The following AGO3 variants were observed in gnomAD, a reference collection of about 807,000 sequenced individuals.
The protein encoded by AGO3 is argonaute RISC catalytic component 3.
In AGO3, 16 loss-of-function variants were observed where a neutral mutation model predicts 105.5. The observed-to-expected ratio is 0.15, with a 90% CI of 0.10 to 0.23. The LOEUF (loss-of-function observed/expected upper bound fraction) is 0.23, where lower values mean the gene tolerates loss of function less well. Among genes scored for constraint, AGO3 ranks in the 10% least tolerant of loss-of-function variants. The pLI is 1.00. For missense variants in AGO3, 534 were observed against 1,088.0 expected (o/e 0.49, Z 7.16); for synonymous variants, 340 against 367.3 (o/e 0.93, Z 0.85).
chr1:35,939,976 A>G (rs1646223504), intron 1 of AGO3, among the ~76,000 whole-genome samples: 1 of 152,216 alleles, frequency 6.6e-6, no homozygotes, highest in Admixed American at 6.5e-5. Context: ...CCATTATCAC[A>G]GCAAAATAAT....
chr1:36,013,875 T>G lies in AGO3; in HGVS notation c.1273-40T>G, dbSNP rs1281486307. ...TTTACTTTCTGTTTATTGAAAATTT[T>G]TGTTCTTTTTCACCATGTTATTTTT... On this transcript the variant is annotated intron_variant, in intron 10 of 18. Transcript: ENST00000373191. The G allele has an allele frequency of 3.1e-6, 5 of 1,600,054 alleles. No individual in the cohort carries two copies. In the African/African-American group the frequency reaches 5.4e-5, roughly 17 times the overall value.
intron 9 of AGO3, among the ~76,000 whole-genome samples, chr1:36,012,343 A>G (rs556730264): frequency 2.2e-4 from 34 of 151,880 alleles, no homozygotes; most frequent in South Asian, 6.2e-4. Flanking sequence ...AAAAGAAAAG[A>G]AAAGGAAAAA....
chr1:36,053,195 T>C (rs1557716821), intron 17 of AGO3, among the ~76,000 whole-genome samples: 1 of 152,050 alleles, frequency 6.6e-6, no homozygotes, highest in Non-Finnish European at 1.5e-5. Context: ...ATCTTCAAGA[T>C]AGAAATATTT....
At chr1:36,049,565 C>T (rs1027584723) in intron 17 of AGO3, among the ~76,000 whole-genome samples, 2 of 151,586 alleles carry the variant, frequency 1.3e-5, no homozygotes, top group South Asian at 4.2e-4. Flanking sequence ...AGCTCACCAT[C>T]TGGGTGTAAT....
Position 36,059,501 on chromosome 1 carries a change from CTT to C in AGO3, c.*3761_*3762del, listed in dbSNP as rs1477932005. On this transcript the variant is annotated 3_prime_UTR_variant, in exon 19 of 19. Coordinates refer to ENST00000373191, the MANE Select transcript of AGO3 (RefSeq NM_024852.4). ...ATCATGAATGCTAGATTTTGGTCTT[CTT>C]TTTTCTGTGATGTATCTTACGAGAC... 2.0e-5 allele frequency: 3 copies of C among 150,304 alleles called. No individual in the cohort carries two copies. The highest frequency in any genetic ancestry group is 4.4e-5 in the Non-Finnish European group (3 of 67,674). The allele number at this position is 150,304 out of a possible 1,614,324, so 9.3% of individuals were successfully genotyped here. A position where few individuals can be genotyped will look rare whatever the true frequency, so the allele number is the denominator to read the frequency against.
chr1:35,980,519 A>T (rs1042847378), intron 5 of AGO3, among the ~76,000 whole-genome samples: 26 of 152,190 alleles, frequency 1.7e-4, no homozygotes, highest in Non-Finnish European at 3.2e-4. Flanking sequence ...TGTTGGTTTC[A>T]GTTTGTCCTC....
At chr1:35,930,731 GC>G (rs1646022676), upstream of AGO3, 1 of 154,586 alleles carries the variant, frequency 6.5e-6, no homozygotes, top group African/African-American at 2.4e-5. Context: ...AAGGAGGGTG[GC>G]CCTACCCCAG....
At chr1:36,015,012 C>T (rs1006230590) in intron 11 of AGO3, among the ~76,000 whole-genome samples, 1 of 152,002 alleles carries the variant, frequency 6.6e-6, no homozygotes, top group Non-Finnish European at 1.5e-5. Flanking sequence ...CAGTGGACAC[C>T]AGCTGGGTGT....
chr1:35,949,406 C>G (rs1646428840), intron 2 of AGO3, among the ~76,000 whole-genome samples: 1 of 152,182 alleles, frequency 6.6e-6, no homozygotes, highest in Non-Finnish European at 1.5e-5. Context: ...TACAGTATTA[C>G]TGCATGACTA....
intron 5 of AGO3, among the ~76,000 whole-genome samples, chr1:35,976,745 A>G (rs968173813): frequency 1.3e-5 from 2 of 152,178 alleles, no homozygotes; most frequent in Non-Finnish European, 2.9e-5. Flanking sequence ...CAGGACTCCT[A>G]GATTCTTTTA....
intron 12 of AGO3, among the ~76,000 whole-genome samples, chr1:36,032,482 T>G (rs1641822422): frequency 1.3e-5 from 2 of 152,008 alleles, no homozygotes; most frequent in South Asian, 4.1e-4. Flanking sequence ...CCTAGGCCCA[T>G]GCAATCCTCT....
intron 5 of AGO3, among the ~76,000 whole-genome samples, chr1:35,978,653 A>T (rs888883801): frequency 6.6e-6 from 1 of 152,190 alleles, no homozygotes; most frequent in Non-Finnish European, 1.5e-5. Context: ...TTGAGGATAG[A>T]GCAGCTTCCT....
In AGO3 at chr1:36,070,440, G is replaced by C. The variant is rs1643146852; in HGVS notation, c.*14695G>C. The C allele has an allele frequency of 6.6e-6, 1 of 152,170 alleles. No homozygotes were observed. Among genetic ancestry groups the C allele is most frequent in the Non-Finnish European group, 1.5e-5 (1 of 68,022 alleles). 9.4% of individuals were successfully genotyped at this position (152,170 alleles called of 1,614,324 possible). A position where few individuals can be genotyped will look rare whatever the true frequency, so the allele number is the denominator to read the frequency against. On this transcript the variant is annotated 3_prime_UTR_variant, in exon 19 of 19. Transcript: ENST00000373191. Reference sequence around the variant, plus strand: ...GTGGCAGGTCCTTACATTTCAACAGGCTTATGCATTTCCATGGGGGGAAGA... The same window carrying C: ...GTGGCAGGTCCTTACATTTCAACAGCCTTATGCATTTCCATGGGGGGAAGA...
intron 3 of AGO3, 102 bp from the exon 4 acceptor site, chr1:35,971,922 A>G: frequency 2.6e-6 from 3 of 1,141,760 alleles, no homozygotes; most frequent in African/African-American, 1.6e-5. Context: ...TATTGACTTT[A>G]TTTTTGCCAT....
intron 11 of AGO3, among the ~76,000 whole-genome samples, chr1:36,018,034 G>T (rs1640997414): frequency 6.7e-6 from 1 of 150,274 alleles, no homozygotes; most frequent in South Asian, 2.2e-4. Context: ...AGGCTGGAGT[G>T]CAGTGGCATG....
intron 2 of AGO3, among the ~76,000 whole-genome samples, chr1:35,948,364 C>T (rs912425472): frequency 6.6e-6 from 1 of 151,682 alleles, no homozygotes; most frequent in Admixed American, 6.6e-5. Flanking sequence ...ATTATAGGCA[C>T]CTGCCACCAT....
chr1:36,042,791 T>G (rs969413745), intron 16 of AGO3, among the ~76,000 whole-genome samples: 7 of 152,214 alleles, frequency 4.6e-5, no homozygotes, highest in Non-Finnish European at 8.8e-5. Flanking sequence ...TCTTACAAGA[T>G]GTTGAAACTG....
intron 5 of AGO3, among the ~76,000 whole-genome samples, chr1:35,984,887 G>A (rs1647135031): frequency 6.6e-6 from 1 of 152,174 alleles, no homozygotes; most frequent in Non-Finnish European, 1.5e-5. Context: ...AGGTACTCAG[G>A]AATAAACGAT....
chr1:36,057,931 AC>A lies in AGO3; in HGVS notation c.*2188del, dbSNP rs1250455574. The A allele has an allele frequency of 6.6e-6, 1 of 152,120 alleles. No homozygotes were observed. The highest frequency in any genetic ancestry group is 1.5e-5 in the Non-Finnish European group (1 of 68,024). 9.4% of individuals were successfully genotyped at this position (152,120 alleles called of 1,614,324 possible). A position where few individuals can be genotyped will look rare whatever the true frequency, so the allele number is the denominator to read the frequency against. ...GGAAGTTACAGTGAGCCAAGACTGC[AC>A]CATTGCACTCCAGCCTGGGCAACAA... is the stretch of plus-strand genomic sequence containing the variant. On this transcript the variant is annotated 3_prime_UTR_variant, in exon 19 of 19. Transcript: ENST00000373191.
Sources: gnomAD v4.1 joint callset for allele counts (sites outside exome capture counted in the v4.1 genomes callset) on GRCh38, gnomAD v4.1.1 for gene constraint, MANE v1.5 for transcripts, NCBI Gene and HGNC (gene_info 2026-07-23, HGNC 2026-07-21) for gene names.